The following PLAG1 variants were observed in gnomAD, a reference collection of about 807,000 sequenced individuals.
PLAG1 encodes the protein zinc finger protein PLAG1.
Under a neutral mutation model 35.5 loss-of-function variants are expected in PLAG1, and 7 were observed. The observed-to-expected ratio is 0.20, with a 90% CI of 0.11 to 0.37. The LOEUF (loss-of-function observed/expected upper bound fraction) is 0.37. Among genes scored for constraint, PLAG1 ranks in the 10% least tolerant of loss-of-function variants. PLAG1 has a pLI of 1.00. For missense variants in PLAG1, 454 were observed against 602.8 expected (o/e 0.75, Z 2.58); for synonymous variants, 229 against 225.4 (o/e 1.02, Z -0.14).
chr8:56,181,789 G>A (rs534297723), intron 1 of PLAG1, among the ~76,000 whole-genome samples: 4 of 152,230 alleles, frequency 2.6e-5, no homozygotes, highest in South Asian at 2.1e-4. Context: ...CTGCCATAAC[G>A]TGGTATCAGA....
At chr8:56,177,165 GC>G (rs1811723731) in intron 2 of PLAG1, among the ~76,000 whole-genome samples, 1 of 152,114 alleles carries the variant, frequency 6.6e-6, no homozygotes. Flanking sequence ...TTGTGCTATG[GC>G]ATAAATGTTG....
At chr8:56,180,840 T>C (rs185780238) in intron 1 of PLAG1, among the ~76,000 whole-genome samples, 312 of 152,248 alleles carry the variant, frequency 2.0e-3, no homozygotes, top group African/African-American at 7.0e-3. Flanking sequence ...ATCCAGAATC[T>C]ACAAGGAACT....
At chr8:56,188,983 A>G (rs550456456) in intron 1 of PLAG1, among the ~76,000 whole-genome samples, 7 of 152,348 alleles carry the variant, frequency 4.6e-5, no homozygotes, top group Admixed American at 1.3e-4. Flanking sequence ...TCTGTCTGCA[A>G]TATCTTCCAC....
chr8:56,167,519 T>C lies in PLAG1; in HGVS notation c.243-16A>G, dbSNP rs1007474990. The C allele has an allele frequency of 1.3e-6, 2 of 1,547,906 alleles. No individual in the cohort carries two copies. The highest frequency in any genetic ancestry group is 2.3e-5 in the East Asian group (1 of 44,044). On this transcript the variant is annotated splice_polypyrimidine_tract_variant and intron_variant, in intron 4 of 4. Transcript: ENST00000316981. The surrounding 1 kb of genome is among the most constrained non-coding windows in gnomAD (Gnocchi z 5.9). ...AGCCATGTGCCTTTAAACACAGATA[T>C]AATCTATAAGTAGTTATTATGACAA... is the stretch of plus-strand genomic sequence containing the variant.
At chr8:56,207,133 T>C (rs1812722695) in intron 1 of PLAG1, among the ~76,000 whole-genome samples, 1 of 151,936 alleles carries the variant, frequency 6.6e-6, no homozygotes, top group South Asian at 2.1e-4. Flanking sequence ...AAGAACAGGA[T>C]TCTAAAGAAA....
At chr8:56,196,827 C>G (rs1233482994) in intron 1 of PLAG1, among the ~76,000 whole-genome samples, 1 of 152,092 alleles carries the variant, frequency 6.6e-6, no homozygotes, top group Non-Finnish European at 1.5e-5. Context: ...CTCTCTCTCT[C>G]CCCTCACCCC....
intron 1 of PLAG1, among the ~76,000 whole-genome samples, chr8:56,199,007 A>G (rs1812466079): frequency 6.6e-6 from 1 of 152,224 alleles, no homozygotes; most frequent in African/African-American, 2.4e-5. Flanking sequence ...GTAAACAGAA[A>G]AGAGACATGG....
rs1811218832 is a variant in PLAG1 at position 56,162,111 on chromosome 8, A to G, written c.*4132T>C. The G allele has an allele frequency of 4.4e-6, 1 of 226,592 alleles. No individual in the cohort carries two copies. Among genetic ancestry groups the G allele is most frequent in the African/African-American group, 2.2e-5 (1 of 44,954 alleles). The allele number at this position is 226,592 out of a possible 1,614,324, so 14.0% of individuals were successfully genotyped here. A position where few individuals can be genotyped will look rare whatever the true frequency, so the allele number is the denominator to read the frequency against. ...AAAACTGCACAACTTATGTAGATCTATGTGATCACAACAGACTTATCTGTG... is the reference window on the plus strand; with the variant it reads ...AAAACTGCACAACTTATGTAGATCTGTGTGATCACAACAGACTTATCTGTG... On this transcript the variant is annotated 3_prime_UTR_variant, in exon 5 of 5. Coordinates refer to ENST00000316981, the MANE Select transcript of PLAG1 (RefSeq NM_002655.3).
chr8:56,183,104 T>C (rs905302489), intron 1 of PLAG1, among the ~76,000 whole-genome samples: 1 of 152,152 alleles, frequency 6.6e-6, no homozygotes, highest in Non-Finnish European at 1.5e-5. Context: ...CAGGGTATCC[T>C]TGAGGGTTTT....
chr8:56,182,305 C>T (rs532684970), intron 1 of PLAG1, among the ~76,000 whole-genome samples: 2 of 152,200 alleles, frequency 1.3e-5, no homozygotes, highest in East Asian at 3.9e-4. Flanking sequence ...ATAGTATTAA[C>T]AAAAAGAGAT....
At position 56,164,320 on chromosome 8, in the gene PLAG1, A is replaced by ATGTGTG. The variant is rs145284198; in HGVS notation, c.*1917_*1922dup. The ATGTGTG allele has an allele frequency of 8.9e-5, 19 of 214,530 alleles. No homozygotes were observed. The highest frequency in any genetic ancestry group is 1.5e-3 in the Middle Eastern group (1 of 676). 13.3% of individuals were successfully genotyped at this position (214,530 alleles called of 1,614,324 possible). ...ATTCTATGAAGTGCGGTATGTGTGC[A>ATGTGTG]TGTGTGTGTGTGTGTGTATTATATA... On this transcript the variant is annotated 3_prime_UTR_variant, in exon 5 of 5. Coordinates refer to ENST00000316981, the MANE Select transcript of PLAG1 (RefSeq NM_002655.3).
Position 56,167,666 on chromosome 8 carries a change from T to C in PLAG1, c.243-163A>G, listed in dbSNP as rs1394541752. Among the ~76,000 whole-genome samples, 2 of 152,254 alleles carry C rather than the reference T, an allele frequency of 1.3e-5. No individual in the cohort carries two copies. The highest frequency in any genetic ancestry group is 2.4e-5 in the African/African-American group (1 of 41,468). ...GAGGATAGTTAATATACCTAATTAC[T>C]GCAAAACTTGAGCCATTTAAGTTGC... On this transcript the variant is annotated intron_variant, in intron 4 of 4. Coordinates refer to ENST00000316981, the MANE Select transcript of PLAG1 (RefSeq NM_002655.3). The surrounding 1 kb of genome is among the most constrained non-coding windows in gnomAD (Gnocchi z 5.9).
chr8:56,161,501 T>G lies in PLAG1; in HGVS notation c.*4742A>C. 4.4e-6 allele frequency: 1 copy of G among 226,682 alleles called. No individual in the cohort carries two copies. The allele number at this position is 226,682 out of a possible 1,614,324, so 14.0% of individuals were successfully genotyped here. ...AAAGGGCTGTTAGTAACATACAGCA[T>G]GTTCTTCACTCCACACCCTATTATA... On this transcript the variant is annotated 3_prime_UTR_variant, in exon 5 of 5. Coordinates refer to ENST00000316981, the MANE Select transcript of PLAG1 (RefSeq NM_002655.3).
At chr8:56,194,807 A>C (rs1191526857) in intron 1 of PLAG1, among the ~76,000 whole-genome samples, 1 of 152,146 alleles carries the variant, frequency 6.6e-6, no homozygotes, top group Non-Finnish European at 1.5e-5. Context: ...TGGCAGAGAC[A>C]AGTGAAGACT....
intron 1 of PLAG1, among the ~76,000 whole-genome samples, chr8:56,192,029 G>A (rs1245120830): frequency 6.6e-6 from 1 of 152,166 alleles, no homozygotes; most frequent in Non-Finnish European, 1.5e-5. Context: ...ATGCAATGAC[G>A]GCAGGTGGTG....
chr8:56,190,018 G>A (rs532212172), intron 1 of PLAG1, among the ~76,000 whole-genome samples: 2 of 152,282 alleles, frequency 1.3e-5, no homozygotes, highest in Non-Finnish European at 2.9e-5. Context: ...CCAGTGGTGT[G>A]GAAGCAATCT....
chr8:56,164,600 C>T lies in PLAG1; in HGVS notation c.*1643G>A, dbSNP rs1004691959. 1 of 222,238 alleles carries T rather than the reference C, an allele frequency of 4.5e-6. No individual in the cohort carries two copies. The highest frequency in any genetic ancestry group is 5.8e-5 in the Admixed American group (1 of 17,344). 13.8% of individuals were successfully genotyped at this position (222,238 alleles called of 1,614,324 possible). On this transcript the variant is annotated 3_prime_UTR_variant, in exon 5 of 5. Coordinates refer to ENST00000316981, the MANE Select transcript of PLAG1 (RefSeq NM_002655.3). ...GAGATATATACTCTTCTAAAAACCT[C>T]CCACCCTTGCCCCCATCCCCAACGG... is the stretch of plus-strand genomic sequence containing the variant.
At chr8:56,175,612 A>G (rs1490442459) in intron 2 of PLAG1, among the ~76,000 whole-genome samples, 1 of 152,210 alleles carries the variant, frequency 6.6e-6, no homozygotes. Context: ...ACTCATTTTG[A>G]GCAATTCATT....
intron 1 of PLAG1, among the ~76,000 whole-genome samples, chr8:56,210,379 C>T (rs1175797740): frequency 1.3e-5 from 2 of 151,930 alleles, no homozygotes; most frequent in African/African-American, 4.8e-5. Flanking sequence ...TGCCGATCTC[C>T]TGCTTTCATT....
Sources: allele counts gnomAD v4.1 joint callset (sites outside exome capture counted in the v4.1 genomes callset), GRCh38; gene constraint gnomAD v4.1.1; non-coding constraint Gnocchi (gnomAD v3.1); transcripts MANE v1.5; gene names NCBI Gene and HGNC (gene_info 2026-07-23, HGNC 2026-07-21).